Variants in SLITRK3 observed in about 807,000 individuals in gnomAD.
The protein encoded by SLITRK3 is SLIT and NTRK-like protein 3.
A neutral mutation model predicts 63.6 loss-of-function variants in SLITRK3; 16 were observed. That is an observed-to-expected ratio of 0.25 (90% confidence interval 0.17 to 0.38). The LOEUF (loss-of-function observed/expected upper bound fraction) is 0.38. SLITRK3 is among the 10% of genes least tolerant of loss of function. The pLI is 1.00. For missense variants in SLITRK3, 1,117 were observed against 1,181.4 expected (o/e 0.95, Z 0.80); for synonymous variants, 547 against 451.6 (o/e 1.21, Z -2.68).
chr3:165,188,498 C>G lies in SLITRK3; in HGVS notation c.2333G>C (p.Gly778Ala), dbSNP rs1363509944. 6.2e-7 allele frequency: 1 copy of G among 1,613,914 alleles called. No homozygotes were observed. The highest frequency in any genetic ancestry group is 1.7e-5 in the Admixed American group (1 of 60,006). ...TCCCGGTGGTTGTGTCCCTGGACCCCCACGTTCTGCACTCCCTGCTTCTTG... is the reference window on the plus strand; with the variant it reads ...TCCCGGTGGTTGTGTCCCTGGACCCGCACGTTCTGCACTCCCTGCTTCTTG... ...SAQEAGSAERGGPGTQPPGMG... is the reference protein window; with the variant it reads ...SAQEAGSAERAGPGTQPPGMG... The change falls in exon 2 of 2, where the codon GGG becomes GCG. Residue 778 changes from glycine to alanine, a missense_variant. Coordinates refer to ENST00000475390, the MANE Select transcript of SLITRK3 (RefSeq NM_001318810.2).
intron 1 of SLITRK3, among the ~76,000 whole-genome samples, chr3:165,191,634 C>A (rs542715805): frequency 6.6e-6 from 1 of 152,112 alleles, no homozygotes; most frequent in East Asian, 1.9e-4. Context: ...AAAAACATGC[C>A]CGTGCAATTG....
chr3:165,193,499 A>C (rs999796777), intron 1 of SLITRK3, among the ~76,000 whole-genome samples: 5 of 151,862 alleles, frequency 3.3e-5, no homozygotes, highest in African/African-American at 1.2e-4. Flanking sequence ...GAAAAGCTGA[A>C]TCTGTCTGAT....
chr3:165,189,319 G>C lies in SLITRK3; in HGVS notation c.1512C>G (p.Pro504=). 1 of 1,614,168 alleles carries C rather than the reference G, an allele frequency of 6.2e-7. No individual in the cohort carries two copies. The highest frequency in any genetic ancestry group is 8.5e-7 in the Non-Finnish European group (1 of 1,180,034). ...EIQPAAFSLM[P]NLKLLFLNNN... ...TATTGAGGAATAGCAGCTTCAAGTT[G>C]GGCATGAGGCTGAAGGCTGCAGGCT... The change falls in exon 2 of 2, where the codon CCC becomes CCG. Residue 504 remains proline, a synonymous_variant. Coordinates refer to ENST00000475390, the MANE Select transcript of SLITRK3 (RefSeq NM_001318810.2). The surrounding 1 kb of genome is among the most constrained non-coding windows in gnomAD (Gnocchi z 4.0).
At position 165,190,378 on chromosome 3, in the gene SLITRK3, T is replaced by G. The variant is rs776248026; in HGVS notation, c.453A>C (p.Leu151=). The change falls in exon 2 of 2, where the codon CTA becomes CTC. Residue 151 remains leucine, a synonymous_variant. Coordinates refer to ENST00000475390, the MANE Select transcript of SLITRK3 (RefSeq NM_001318810.2). ...RNDTFLGLES[L]EYLQADYNVI... is the part of the protein sequence containing the mutation. ...CATTGTAATCTGCCTGCAGATATTC[T>G]AGACTTTCCAAGCCAAGGAAGGTGT... 4.3e-6 allele frequency: 7 copies of G among 1,614,142 alleles called. No individual in the cohort carries two copies. Among genetic ancestry groups the G allele is most frequent in the South Asian group, 1.1e-5 (1 of 91,082 alleles).
chr3:165,193,655 C>A, intron 1 of SLITRK3, among the ~76,000 whole-genome samples: 1 of 152,012 alleles, frequency 6.6e-6, no homozygotes, highest in Non-Finnish European at 1.5e-5. Context: ...GATTCAACAG[C>A]ATTTCTTTTC....
rs1490112678 is a variant in SLITRK3 at position 165,189,504 on chromosome 3, G to A, written c.1327C>T (p.Arg443Cys). ...SLDLLHLGNNRISYVQDGAFI... is the reference protein window; with the variant it reads ...SLDLLHLGNNCISYVQDGAFI... The stretch of plus-strand genomic sequence containing the variant: ...GCCCCATCTTGGACATAGGAAATAC[G>A]ATTGTTCCCCAGATGCAAGAGATCC... Residue 443 changes from arginine (R) to cysteine (C), a missense_variant, in exon 2 of 2, where the codon CGT (arginine) becomes TGT (cysteine). Physicochemically the swap from Arg to Cys is radical, Grantham distance 180. Transcript: ENST00000475390. The surrounding 1 kb of genome is among the most constrained non-coding windows in gnomAD (Gnocchi z 4.0). The A allele has an allele frequency of 3.7e-6, 6 of 1,613,656 alleles. No homozygotes were observed. Among genetic ancestry groups the A allele is most frequent in the African/African-American group, 2.7e-5 (2 of 74,900 alleles).
In SLITRK3 at chr3:165,188,480, G is replaced by A; in HGVS notation, c.2351C>T (p.Pro784Leu). 2 of 1,613,974 alleles carry A rather than the reference G, an allele frequency of 1.2e-6. No individual in the cohort carries two copies. Among genetic ancestry groups the A allele is most frequent in the Non-Finnish European group, 1.7e-6 (2 of 1,179,974 alleles). ...TAGGAGAGCCTCACCCATTCCCGGTGGTTGTGTCCCTGGACCCCCACGTTC... is the reference window on the plus strand; with the variant it reads ...TAGGAGAGCCTCACCCATTCCCGGTAGTTGTGTCCCTGGACCCCCACGTTC... ...SAERGGPGTQ[P>L]PGMGEALLGS... Residue 784 changes from proline (P) to leucine (L), a missense_variant, in exon 2 of 2, where the codon CCA becomes CTA. By Grantham distance (98) the Pro-to-Leu change is moderately conservative (BLOSUM62 -3). Transcript: ENST00000475390.
chr3:165,193,201 G>C lies in SLITRK3; in HGVS notation c.-21-2350C>G, dbSNP rs182817816. On this transcript the variant is annotated intron_variant, in intron 1 of 1. Coordinates refer to ENST00000475390, the MANE Select transcript of SLITRK3 (RefSeq NM_001318810.2). ...GGCAAAATAAGAAACCAGAGAGAAG[G>C]GGGAGGAGACCAACCTATGGGAAAC... Among the ~76,000 whole-genome samples the C allele has an allele frequency of 4.0e-5, 6 of 150,692 alleles. No individual in the cohort carries two copies. In the East Asian group the frequency reaches 1.2e-3, roughly 30 times the overall value.
At position 165,189,987 on chromosome 3, in the gene SLITRK3, G is replaced by C. The variant is rs946835174; in HGVS notation, c.844C>G (p.Pro282Ala). The change falls in exon 2 of 2, where the codon CCC (proline) becomes GCC (alanine). Residue 282 changes from proline (P) to alanine (A), a missense_variant. By Grantham distance (27) the Pro-to-Ala change is conservative. Coordinates refer to ENST00000475390, the MANE Select transcript of SLITRK3 (RefSeq NM_001318810.2). This position sits in a 1 kb window ranked among gnomAD's most constrained non-coding sequence, Gnocchi z 4.0. ...TCTACCTCAGAGTCAGACAACAAGG[G>C]ACAGAGTTCTGTCTTCCTGATTTCT... Reference protein sequence around the residue: ...LREIRKTELCPLLSDSEVEAS... With the variant: ...LREIRKTELCALLSDSEVEAS... 1 of 1,614,140 alleles carries C rather than the reference G, an allele frequency of 6.2e-7. No individual in the cohort carries two copies. Among genetic ancestry groups the C allele is most frequent in the South Asian group, 1.1e-5 (1 of 91,078 alleles).
rs1011182609 is a variant in SLITRK3, at chr3:165,189,625, T to G, written c.1206A>C (p.Glu402Asp). The G allele has an allele frequency of 1.2e-6, 2 of 1,614,022 alleles. No individual in the cohort carries two copies. The highest frequency in any genetic ancestry group is 1.3e-5 in the African/African-American group (1 of 74,898). Reference sequence around the variant, plus strand: ...TGGCATTCAAGGGCCTTGGAAGAAGTTCAGAAATGTTATTAAATCCTCGCT... The same window carrying G: ...TGGCATTCAAGGGCCTTGGAAGAAGGTCAGAAATGTTATTAAATCCTCGCT... ...CKERGFNNIS[E>D]LLPRPLNAKK... The change falls in exon 2 of 2, where the codon GAA (glutamate) becomes GAC (aspartate). Residue 402 changes from glutamate (E) to aspartate (D), a missense_variant. Physicochemically the swap from Glu to Asp is conservative, Grantham distance 45. This residue lies in a region of SLITRK3 where 452 missense variants were observed against 495.3 expected (regional missense o/e 0.91). Transcript: ENST00000475390. This position sits in a 1 kb window ranked among gnomAD's most constrained non-coding sequence, Gnocchi z 4.0.
Position 165,190,418 on chromosome 3 carries a change from T to G in SLITRK3, c.413A>C (p.Asp138Ala). The change falls in exon 2 of 2, where the codon GAT (aspartate) becomes GCT (alanine). Residue 138 changes from aspartate to alanine, a missense_variant. Asp to Ala is a moderately radical substitution (Grantham distance 126). This residue lies in a region of SLITRK3 where 452 missense variants were observed against 495.3 expected (regional missense o/e 0.91). Transcript: ENST00000475390. ...KRLYLHENKL[D>A]VFRNDTFLGL... Reference sequence around the variant, plus strand: ...AAGGAAGGTGTCATTTCTGAAGACATCTAGTTTGTTTTCATGTAGATATAG... The same window carrying G: ...AAGGAAGGTGTCATTTCTGAAGACAGCTAGTTTGTTTTCATGTAGATATAG... 1 of 1,613,670 alleles carries G rather than the reference T, an allele frequency of 6.2e-7. No homozygotes were observed. Among genetic ancestry groups the G allele is most frequent in the East Asian group, 2.2e-5 (1 of 44,864 alleles).
chr3:165,196,437 G>A (rs1038881635), upstream of SLITRK3, among the ~76,000 whole-genome samples: 2 of 141,858 alleles, frequency 1.4e-5, no homozygotes, highest in African/African-American at 2.5e-5. Context: ...AGGTGCGGGG[G>A]AGGGGGGTGG....
In SLITRK3 at chr3:165,189,837, G is replaced by C. The variant is rs1284370428; in HGVS notation, c.994C>G (p.Gln332Glu). The C allele has an allele frequency of 6.2e-7, 1 of 1,614,014 alleles. No homozygotes were observed. The change falls in exon 2 of 2, where the codon CAG becomes GAG. Residue 332 changes from glutamine to glutamate, a missense_variant. Gln to Glu is a conservative substitution (Grantham distance 29, BLOSUM62 2). Coordinates refer to ENST00000475390, the MANE Select transcript of SLITRK3 (RefSeq NM_001318810.2). The surrounding 1 kb of genome is among the most constrained non-coding windows in gnomAD (Gnocchi z 4.0). ...CGAGGCTGTTTGGTGGGCTTAGGCT[G>C]TTTATTTGAGGACTTGTATTCGACA... ...SSVEYKSSNK[Q>E]PKPTKQPRTP... is the part of the protein sequence containing the mutation.
Position 165,190,666 on chromosome 3 carries a change from G to A in SLITRK3, c.165C>T (p.Ser55=), listed in dbSNP as rs769174914. ...TACTGTCACAATGTATATGAAAGAG[G>A]CTTTCTTTAACTTCACAGTAGCATG... ...FDPCYCEVKE[S]LFHIHCDSKG... Residue 55 remains serine (S), a synonymous_variant, in exon 2 of 2, where the codon AGC becomes AGT. Transcript: ENST00000475390. The A allele has an allele frequency of 5.0e-6, 8 of 1,614,022 alleles. No individual in the cohort carries two copies. Among genetic ancestry groups the A allele is most frequent in the South Asian group, 1.1e-5 (1 of 91,070 alleles).
Position 165,187,806 on chromosome 3 carries a change from G to T in SLITRK3, c.*91C>A. On this transcript the variant is annotated 3_prime_UTR_variant, in exon 2 of 2. Transcript: ENST00000475390. ...GAAAGATCGTGAGGATGGAGTTACTGGGACAAGTGTAAAGGGAGCAAGGGA... is the reference window on the plus strand; with the variant it reads ...GAAAGATCGTGAGGATGGAGTTACTTGGACAAGTGTAAAGGGAGCAAGGGA... The T allele has an allele frequency of 1.9e-6, 2 of 1,076,170 alleles. No individual in the cohort carries two copies. Among genetic ancestry groups the T allele is most frequent in the Non-Finnish European group, 2.7e-6 (2 of 741,688 alleles). 66.7% of individuals were successfully genotyped at this position (1,076,170 alleles called of 1,614,324 possible).
At chr3:165,192,580 GA>G (rs753476260) in intron 1 of SLITRK3, among the ~76,000 whole-genome samples, 209 of 117,446 alleles carry the variant, frequency 1.8e-3, no homozygotes, top group African/African-American at 4.5e-3. Context: ...AAAAGAAAAA[GA>G]AAAAAAAAAA....
rs750932914 is a variant in SLITRK3 at position 165,188,233 on chromosome 3, A to G, written c.2598T>C (p.Asn866=). 1 of 1,612,956 alleles carries G rather than the reference A, an allele frequency of 6.2e-7. No homozygotes were observed. Among genetic ancestry groups the G allele is most frequent in the South Asian group, 1.1e-5 (1 of 90,998 alleles). The change falls in exon 2 of 2, where the codon AAT becomes AAC. Residue 866 remains asparagine (N), a synonymous_variant. Transcript: ENST00000475390. ...CAGGAGGAAACAGCACCACCCCACC[A>G]TTTTTCTCATGGTGGCGGAACCCTG... ...DLAGFRHHEK[N]GGVVLFPPGG...
At chr3:165,194,768 G>T (rs1576973202) in intron 1 of SLITRK3, among the ~76,000 whole-genome samples, 1 of 152,182 alleles carries the variant, frequency 6.6e-6, no homozygotes, top group African/African-American at 2.4e-5. Flanking sequence ...TGTTGTCTCG[G>T]CAATGAAGTC....
In SLITRK3 at chr3:165,189,881, A is replaced by G; in HGVS notation, c.950T>C (p.Val317Ala). The part of the protein sequence containing the change: ...PTKPSSMLSS[V>A]HFTASSVEYK... ...TTCGACAGAAGAAGCAGTAAAATGAACAGAGGATAGCATTGAGGAAGGCTT... is the reference window on the plus strand; with the variant it reads ...TTCGACAGAAGAAGCAGTAAAATGAGCAGAGGATAGCATTGAGGAAGGCTT... Residue 317 changes from valine (V) to alanine (A), a missense_variant, in exon 2 of 2, where the codon GTT becomes GCT. Physicochemically the swap from Val to Ala is moderately conservative, Grantham distance 64 (BLOSUM62 0). Around this residue, in one of 4 missense-constraint regions of SLITRK3, gnomAD observed 452 missense variants for 495.3 expected, o/e 0.91. Transcript: ENST00000475390. This position sits in a 1 kb window ranked among gnomAD's most constrained non-coding sequence, Gnocchi z 4.0. 2.5e-6 allele frequency: 4 copies of G among 1,614,158 alleles called. No individual in the cohort carries two copies. The highest frequency in any genetic ancestry group is 3.4e-6 in the Non-Finnish European group (4 of 1,180,024).
Sources: gnomAD v4.1 joint callset for allele counts (sites outside exome capture counted in the v4.1 genomes callset) on GRCh38, gnomAD v4.1.1 for gene constraint, gnomAD v4.1.1 regional missense constraint, Gnocchi (gnomAD v3.1) non-coding constraint, MANE v1.5 for transcripts, NCBI Gene and HGNC (gene_info 2026-07-23, HGNC 2026-07-21) for gene names.